The following BST1 variants were observed in gnomAD, a reference collection of about 807,000 sequenced individuals.
BST1 encodes the protein bone marrow stromal cell antigen 1.
BST1 carries 49 observed loss-of-function variants against 40.6 expected under a neutral mutation model. The ratio of observed to expected loss-of-function variants is 1.21; its 90% CI spans 0.96 to 1.53. BST1 has a LOEUF of 1.53. Among genes scored for constraint, BST1 ranks in the 40% most tolerant of loss-of-function variants. The pLI is 0.00. For synonymous variants in BST1, 157 were observed against 159.3 expected (o/e 0.99, Z 0.11); for missense variants, 423 against 395.9 (o/e 1.07, Z -0.58).
chr4:15,703,804 G>C (rs1207561631), intron 1 of BST1, among the ~76,000 whole-genome samples: 3 of 146,286 alleles, frequency 2.1e-5, no homozygotes, highest in Admixed American at 2.0e-4. Flanking sequence ...TAGAGGTAAG[G>C]GGTGTGTGTG....
At chr4:15,723,741 TAAATTTTGATATGTTCTGAG>T (rs1720952185) in intron 8 of BST1, 4 of 544,994 alleles carry the variant, frequency 7.3e-6, no homozygotes, top group Non-Finnish European at 9.4e-6. Context: ...GTGTGTATTT[TAAATTTTGATATGTTCTGAG>T]AAATTTTGAT....
At chr4:15,722,850 C>T (rs1335412904) in intron 7 of BST1, 25 bp from the exon 8 acceptor site, 1 of 1,595,634 alleles carries the variant, frequency 6.3e-7, no homozygotes, top group Non-Finnish European at 8.6e-7. Flanking sequence ...TAAATAATCC[C>T]TTAAATATTA....
At chr4:15,719,016 T>A in intron 7 of BST1, 23 bp downstream of exon 7, 1 of 1,604,650 alleles carries the variant, frequency 6.2e-7, no homozygotes, top group Non-Finnish European at 8.5e-7. Context: ...TATATCAATG[T>A]GCTCTTGTAG....
At chr4:15,721,062 G>A (rs561601720) in intron 7 of BST1, among the ~76,000 whole-genome samples, 31 of 152,078 alleles carry the variant, frequency 2.0e-4, no homozygotes, top group Non-Finnish European at 3.7e-4. Flanking sequence ...TCTCTTCCAG[G>A]CCTGACTCAG....
In BST1 at chr4:15,717,214, A is replaced by C. The variant is rs1372721403; in HGVS notation, c.704+1415A>C. On this transcript the variant is annotated intron_variant, in intron 6 of 8. Coordinates refer to ENST00000265016, the MANE Select transcript of BST1 (RefSeq NM_004334.3). The stretch of plus-strand genomic sequence containing the variant: ...GTAAGGCATTTTCCCGGGTATTGGC[A>C]AAGTTCTAAAAAATGATGTTATTCA... 2.0e-5 allele frequency among the ~76,000 whole-genome samples: 3 copies of C among 152,188 alleles called. No individual in the cohort carries two copies. In the East Asian group the frequency reaches 5.8e-4, roughly 29 times the overall value.
downstream of BST1, among the ~76,000 whole-genome samples, chr4:15,739,505 A>C (rs181100083): frequency 9.4e-4 from 143 of 151,774 alleles, 1 homozygote; most frequent in Non-Finnish European, 1.7e-3. Flanking sequence ...CAAACTCTTC[A>C]CTGAAATGAC....
In BST1 at chr4:15,732,434, C is replaced by T. The variant is rs1363547665; in HGVS notation, c.*589C>T. On this transcript the variant is annotated 3_prime_UTR_variant, in exon 9 of 9. Transcript: ENST00000265016. ...CAGGATTCAAGCGATTCTCCTGCCT[C>T]AGCCTCCCAAGTAGCTGGGATTGCA... 2.0e-5 allele frequency: 3 copies of T among 152,340 alleles called. No individual in the cohort carries two copies. Among genetic ancestry groups the T allele is most frequent in the Non-Finnish European group, 4.4e-5 (3 of 68,150 alleles). 9.4% of individuals were successfully genotyped at this position (152,340 alleles called of 1,614,324 possible). A position where few individuals can be genotyped will look rare whatever the true frequency, so the allele number is the denominator to read the frequency against.
chr4:15,767,156 C>T, the BST1 span, among the ~76,000 whole-genome samples: 7 of 150,290 alleles, frequency 4.7e-5, no homozygotes, highest in South Asian at 1.4e-3. Context: ...TTGACGCTGG[C>T]AAGGAGCGGA....
chr4:15,751,975 C>T, the BST1 span, among the ~76,000 whole-genome samples: 5 of 152,054 alleles, frequency 3.3e-5, no homozygotes, highest in South Asian at 2.1e-4. Flanking sequence ...GAATTATTGC[C>T]GTTTTATAAA....
chr4:15,740,166 G>A (rs561456074), downstream of BST1, among the ~76,000 whole-genome samples: 4 of 152,252 alleles, frequency 2.6e-5, no homozygotes, highest in African/African-American at 9.6e-5. Context: ...TGATTCTCAT[G>A]CCTCGGCCTC....
downstream of BST1, among the ~76,000 whole-genome samples, chr4:15,734,747 T>C (rs1476552172): frequency 6.6e-6 from 1 of 152,046 alleles, no homozygotes; most frequent in East Asian, 1.9e-4. Context: ...ATAAGACAAA[T>C]GTAAGTTTCA....
At chr4:15,706,650 T>C (rs1385892398) in intron 2 of BST1, among the ~76,000 whole-genome samples, 2 of 152,212 alleles carry the variant, frequency 1.3e-5, no homozygotes, top group East Asian at 3.8e-4. Flanking sequence ...GTGTTATTTG[T>C]AAAGGCAAGT....
downstream of BST1, chr4:15,735,936 G>T: frequency 1.1e-5 from 5 of 470,944 alleles, no homozygotes; most frequent in South Asian, 4.5e-5. Flanking sequence ...CTCTTTACTT[G>T]AAAAAAATCT....
intron 1 of BST1, chr4:15,705,052 C>G: frequency 1.4e-6 from 1 of 711,848 alleles, no homozygotes; most frequent in Non-Finnish European, 2.6e-6. Flanking sequence ...GGAGGGTGCA[C>G]CTGCTTTGCC....
chr4:15,731,964 C>T lies in BST1; in HGVS notation c.*119C>T. 5.0e-6 allele frequency: 7 copies of T among 1,390,606 alleles called. No individual in the cohort carries two copies. The highest frequency in any genetic ancestry group is 6.6e-6 in the Non-Finnish European group (7 of 1,066,176). 86.1% of individuals were successfully genotyped at this position (1,390,606 alleles called of 1,614,324 possible). ...CTAAAGAAGCTTTTTGCTGGGAAAA[C>T]GATGTCCTGAAAATGGTATTTCAAT... On this transcript the variant is annotated 3_prime_UTR_variant, in exon 9 of 9. Coordinates refer to ENST00000265016, the MANE Select transcript of BST1 (RefSeq NM_004334.3).
downstream of BST1, among the ~76,000 whole-genome samples, chr4:15,737,032 T>C (rs927211921): frequency 1.3e-5 from 2 of 152,164 alleles, no homozygotes; most frequent in Non-Finnish European, 2.9e-5. Context: ...CCTTCAGCAC[T>C]TGCTCGCTGT....
the BST1 span, among the ~76,000 whole-genome samples, chr4:15,751,265 GC>G: frequency 6.6e-6 from 1 of 151,618 alleles, no homozygotes; most frequent in Non-Finnish European, 1.5e-5. Flanking sequence ...CGGTGGTTAG[GC>G]CTGTGAGTGA....
the BST1 span, chr4:15,743,396 G>A: frequency 1.0e-5 from 3 of 288,456 alleles, no homozygotes; most frequent in Non-Finnish European, 2.1e-5. Context: ...TAGGATATAT[G>A]TATGAAGATG....
At chr4:15,745,621 A>G in the BST1 span, among the ~76,000 whole-genome samples, 2 of 152,316 alleles carry the variant, frequency 1.3e-5, no homozygotes, top group South Asian at 4.1e-4. Context: ...TACATGACTA[A>G]CGGATCAGAA....
Sources: allele counts gnomAD v4.1 joint callset (sites outside exome capture counted in the v4.1 genomes callset), GRCh38; gene constraint gnomAD v4.1.1; transcripts MANE v1.5; gene names NCBI Gene and HGNC (gene_info 2026-07-23, HGNC 2026-07-21).